The following TPO variants were observed in gnomAD, a reference collection of about 807,000 sequenced individuals.
TPO encodes the protein thyroid peroxidase.
In TPO, 78 loss-of-function variants were observed where a neutral mutation model predicts 96.9. That is an observed-to-expected ratio of 0.81 (90% CI 0.67 to 0.97). The LOEUF (loss-of-function observed/expected upper bound fraction) is 0.97. Among genes scored for constraint, TPO ranks in the 50% least tolerant of loss-of-function variants. The probability of loss-of-function intolerance (pLI) is 0.00; values close to 1 mark genes in which losing one functional copy is unlikely to be tolerated. For missense variants in TPO, 1,252 were observed against 1,274.8 expected, an observed-to-expected ratio of 0.98 and a Z score of 0.27; for synonymous variants, 547 against 538.0, an observed-to-expected ratio of 1.02 and a Z score of -0.23.
At chr2:1,396,690 C>G (rs1328533267) in intron 1 of TPO, among the ~76,000 whole-genome samples, 1 of 152,114 alleles carries the variant, frequency 6.6e-6, no homozygotes, top group Non-Finnish European at 1.5e-5. Flanking sequence ...CCACCTTTGC[C>G]ATCAGGTAGG....
chr2:1,475,928 GC>G (rs916349070), intron 7 of TPO, among the ~76,000 whole-genome samples: 2 of 151,846 alleles, frequency 1.3e-5, no homozygotes, highest in African/African-American at 4.8e-5. Flanking sequence ...TCACCACAAG[GC>G]CGACTCCCTC....
intron 1 of TPO, among the ~76,000 whole-genome samples, chr2:1,399,998 GC>G (rs1255396874): frequency 6.6e-6 from 1 of 152,166 alleles, no homozygotes; most frequent in East Asian, 1.9e-4. Flanking sequence ...CCAGCCAGAC[GC>G]CCCTGGGCTC....
intron 15 of TPO, among the ~76,000 whole-genome samples, chr2:1,528,457 C>G (rs76822089): frequency 0.034 from 5,008 of 146,298 alleles, 197 homozygotes; most frequent in South Asian, 0.099. Flanking sequence ...GCAACCTCCT[C>G]AAATCTCTCA....
chr2:1,440,181 A>G (rs902082743), intron 5 of TPO, among the ~76,000 whole-genome samples: 1 of 126,030 alleles, frequency 7.9e-6, no homozygotes, highest in Admixed American at 8.7e-5. Flanking sequence ...CTGCGTTTCC[A>G]CCGTGCTGCA....
intron 15 of TPO, among the ~76,000 whole-genome samples, chr2:1,531,713 C>A (rs1330304144): frequency 1.9e-4 from 14 of 75,584 alleles, no homozygotes; most frequent in South Asian, 6.1e-4. Context: ...TCGCCAAATC[C>A]CCCCCACTCT....
chr2:1,443,501 G>T (rs535038697), intron 5 of TPO, among the ~76,000 whole-genome samples: 131 of 150,032 alleles, frequency 8.7e-4, no homozygotes, highest in African/African-American at 3.1e-3. Context: ...AGGGAATGGG[G>T]CCGGGGCCTT....
At chr2:1,512,437 C>T (rs758940194) in intron 14 of TPO, 560 of 985,464 alleles carry the variant, frequency 5.7e-4, no homozygotes, top group Non-Finnish European at 6.3e-4. Context: ...GAGCCCGGCC[C>T]GGACCAGCGC....
chr2:1,420,426 T>C (rs1219634531), intron 2 of TPO, among the ~76,000 whole-genome samples: 2 of 152,176 alleles, frequency 1.3e-5, no homozygotes, highest in African/African-American at 4.8e-5. Flanking sequence ...ATAGGATGCA[T>C]ATACACAGGT....
chr2:1,542,612 T>C lies in TPO; in HGVS notation c.*138T>C. On this transcript the variant is annotated 3_prime_UTR_variant, in exon 17 of 17. Coordinates refer to ENST00000329066, the MANE Select transcript of TPO (RefSeq NM_001206744.2). ...GGGTAAATCTAGTACCATGTCGTAG[T>C]TACTCTCAGGCATGGATGAATAAAT... 1.3e-6 allele frequency: 2 copies of C among 1,553,618 alleles called. No individual in the cohort carries two copies. The highest frequency in any genetic ancestry group is 1.7e-6 in the Non-Finnish European group (2 of 1,147,792).
chr2:1,459,970 G>A (rs147251198), intron 7 of TPO, among the ~76,000 whole-genome samples: 1,866 of 148,872 alleles, frequency 0.013, 22 homozygotes, highest in Middle Eastern at 0.038. Flanking sequence ...TTGAGCTGGA[G>A]TCTTGCCCAG....
chr2:1,523,855 T>C (rs62107997), intron 15 of TPO, among the ~76,000 whole-genome samples: 1 of 84,420 alleles, frequency 1.2e-5, no homozygotes, highest in Non-Finnish European at 2.1e-5. Flanking sequence ...CAACTGTGTG[T>C]GAGCTCCCCA....
In TPO at chr2:1,388,349, G is replaced by A. The variant is rs188084321; in HGVS notation, n.180+13947G>A. Among the ~76,000 whole-genome samples, 378 of 152,314 alleles carry A rather than the reference G, an allele frequency of 2.5e-3. 2 individuals are homozygous for A. The highest frequency in any genetic ancestry group is 8.9e-3 in the African/African-American group (369 of 41,582). On this transcript the variant is annotated intron_variant and non_coding_transcript_variant, in intron 1 of 5. Transcript: ENST00000497517. The stretch of plus-strand genomic sequence containing the variant: ...CAGGCAGGCCTCCTTGAGCTGTGGT[G>A]GGCTCCACCCAGTTCGAGCTTCCTG...
chr2:1,469,811 G>A (rs944023024), intron 7 of TPO, among the ~76,000 whole-genome samples: 1 of 152,198 alleles, frequency 6.6e-6, no homozygotes, highest in African/African-American at 2.4e-5. Flanking sequence ...CACAGTATTT[G>A]GGGTGTCTCC....
intron 15 of TPO, among the ~76,000 whole-genome samples, chr2:1,534,158 T>A (rs1488956548): frequency 7.0e-5 from 1 of 14,194 alleles, no homozygotes; most frequent in Non-Finnish European, 1.3e-4. Flanking sequence ...ACCTCCCAAA[T>A]CCCCCCCAAT....
At chr2:1,406,446 A>G (rs1215457409) in intron 1 of TPO, among the ~76,000 whole-genome samples, 1 of 152,226 alleles carries the variant, frequency 6.6e-6, no homozygotes, top group African/African-American at 2.4e-5. Context: ...ATCCACGTGA[A>G]TATTGTCCAC....
At chr2:1,524,455 A>C (rs1675951788) in intron 15 of TPO, among the ~76,000 whole-genome samples, 1 of 66,488 alleles carries the variant, frequency 1.5e-5, no homozygotes, top group Non-Finnish European at 2.7e-5. Context: ...CACTGTGTGC[A>C]ACCCCCCAAA....
At chr2:1,418,919 G>A (rs1663221544) in intron 2 of TPO, among the ~76,000 whole-genome samples, 1 of 152,198 alleles carries the variant, frequency 6.6e-6, no homozygotes, top group Non-Finnish European at 1.5e-5. Context: ...CTCTAAACAG[G>A]AATCAAGCGC....
Position 1,517,072 on chromosome 2 carries a change from G to A in TPO, c.2618+90G>A, listed in dbSNP as rs28913016. The A allele has an allele frequency of 4.3e-3, 5,931 of 1,369,652 alleles. 184 individuals are homozygous for A. In the African/African-American group the frequency reaches 0.073, roughly 17 times the overall value. The allele number at this position is 1,369,652 out of a possible 1,614,324, so 84.8% of individuals were successfully genotyped here. On this transcript the variant is annotated intron_variant, in intron 15 of 16. Coordinates refer to ENST00000329066, the MANE Select transcript of TPO (RefSeq NM_001206744.2). Reference sequence around the variant, plus strand: ...TGCAATGAAGCTGCTTTATTTTCCCGAAGCTAACACAGGTTACTGGTATCT... The same window carrying A: ...TGCAATGAAGCTGCTTTATTTTCCCAAAGCTAACACAGGTTACTGGTATCT...
intron 8 of TPO, 151 bp from the exon 9 acceptor site, chr2:1,484,445 T>C: frequency 1.0e-6 from 1 of 966,802 alleles, no homozygotes; most frequent in Non-Finnish European, 1.5e-6. Context: ...AAGAAGGCAT[T>C]TCTGGGAAGT....
Sources: allele counts gnomAD v4.1 joint callset (sites outside exome capture counted in the v4.1 genomes callset), GRCh38; gene constraint gnomAD v4.1.1; transcripts MANE v1.5; gene names NCBI Gene and HGNC (gene_info 2026-07-23, HGNC 2026-07-21).